CRYBG1: variants seen among roughly 807,000 people sequenced by gnomAD.
CRYBG1 encodes crystallin beta-gamma domain containing 1, also known as beta/gamma crystallin domain-containing protein 1.
Under a neutral mutation model 189.2 loss-of-function variants are expected in CRYBG1, and 139 were observed. That is an observed-to-expected ratio of 0.73 (90% CI 0.64 to 0.85). The LOEUF is 0.85. Among genes scored for constraint, CRYBG1 ranks in the 40% least tolerant of loss-of-function variants. CRYBG1 has a pLI of 0.00. For synonymous variants in CRYBG1, 1,023 were observed against 1,017.1 expected (o/e 1.01, Z -0.11); for missense variants, 2,611 against 2,675.8 (o/e 0.98, Z 0.53).
chr6:106,512,845 C>T lies in CRYBG1; in HGVS notation c.1728C>T (p.Ser576=), dbSNP rs1773325384. The change falls in exon 3 of 22, where the codon AGC becomes AGT. Residue 576 remains serine, a synonymous_variant. Coordinates refer to ENST00000633556, the MANE Select transcript of CRYBG1 (RefSeq NM_001371242.2). ...CCCGCGAGCTCCCGGTCAAGAGCAG[C>T]TCGCTGCTGCCGGAGATCAAGCCCG... ...AIPRELPVKS[S]SLLPEIKPEH... 1 of 1,582,468 alleles carries T rather than the reference C, an allele frequency of 6.3e-7. No homozygotes were observed. The highest frequency in any genetic ancestry group is 8.6e-7 in the Non-Finnish European group (1 of 1,164,518).
At chr6:106,400,034 G>C (rs1014036798) in intron 1 of CRYBG1, among the ~76,000 whole-genome samples, 5 of 151,592 alleles carry the variant, frequency 3.3e-5, no homozygotes, top group Non-Finnish European at 7.4e-5. Context: ...TACTCGGGAG[G>C]CTGAGGTGGG....
chr6:106,498,200 A>G (rs1772899133), intron 2 of CRYBG1, among the ~76,000 whole-genome samples: 1 of 152,244 alleles, frequency 6.6e-6, no homozygotes, highest in African/African-American at 2.4e-5. Context: ...TTAGAAACCA[A>G]AGAAATGCAA....
At chr6:106,489,921 T>C (rs1361099081) in intron 2 of CRYBG1, among the ~76,000 whole-genome samples, 2 of 152,186 alleles carry the variant, frequency 1.3e-5, no homozygotes, top group Non-Finnish European at 2.9e-5. Context: ...AAATGATGCA[T>C]TGAGTTTGTT....
chr6:106,533,431 C>T (rs114318890), intron 8 of CRYBG1, among the ~76,000 whole-genome samples: 3 of 152,252 alleles, frequency 2.0e-5, no homozygotes, highest in African/African-American at 4.8e-5. Flanking sequence ...GAATCATTGG[C>T]GAATTTTTAT....
At chr6:106,560,700 T>C in intron 18 of CRYBG1, 103 bp from the exon 19 acceptor site, 1 of 1,315,964 alleles carries the variant, frequency 7.6e-7, no homozygotes, top group Non-Finnish European at 1.0e-6. Context: ...ATGTTAAAAG[T>C]ATATAGTTCA....
chr6:106,508,723 T>C (rs1000343964), intron 2 of CRYBG1, among the ~76,000 whole-genome samples: 5 of 152,222 alleles, frequency 3.3e-5, no homozygotes, highest in African/African-American at 1.2e-4. Context: ...ACAAGCCATG[T>C]CCGGTGACTT....
At chr6:106,554,192 G>A (rs1284569503) in intron 16 of CRYBG1, among the ~76,000 whole-genome samples, 2 of 152,192 alleles carry the variant, frequency 1.3e-5, no homozygotes, top group Non-Finnish European at 2.9e-5. Context: ...TGCAAGAGGT[G>A]TTGAGGATTT....
chr6:106,521,001 A>C lies in CRYBG1; in HGVS notation c.3793A>C (p.Thr1265Pro), dbSNP rs369153076. The change falls in exon 4 of 22, where the codon ACT becomes CCT. Residue 1265 changes from threonine (T) to proline (P), a missense_variant. Thr to Pro is a conservative substitution (Grantham distance 38). This residue lies in a region of CRYBG1 where 1,622 missense variants were observed against 1,735.0 expected (regional missense o/e 0.93). Coordinates refer to ENST00000633556, the MANE Select transcript of CRYBG1 (RefSeq NM_001371242.2). ...IFSPSVTSVNTMTTAFSTSQN... is the reference protein window; with the variant it reads ...IFSPSVTSVNPMTTAFSTSQN... The stretch of plus-strand genomic sequence containing the variant: ...TTCTCCTTCTGTGACATCAGTCAAC[A>C]CTATGACCACGGCTTTCAGTACTTC... The C allele has an allele frequency of 1.9e-6, 3 of 1,614,106 alleles. No individual in the cohort carries two copies. Among genetic ancestry groups the C allele is most frequent in the Non-Finnish European group, 2.5e-6 (3 of 1,180,054 alleles).
Position 106,555,732 on chromosome 6 carries a change from A to G in CRYBG1, c.5586-36A>G, listed in dbSNP as rs755064426. 3 of 1,609,786 alleles carry G rather than the reference A, an allele frequency of 1.9e-6. No homozygotes were observed. The Admixed American group carries it at 5.0e-5, about 27-fold the overall frequency. ...TCTTGAATAGGAGTGCTCAAGTTGC[A>G]TATTCTGTGCATGTGTGTGGTTTTT... is the stretch of plus-strand genomic sequence containing the variant. On this transcript the variant is annotated intron_variant, in intron 16 of 21. Coordinates refer to ENST00000633556, the MANE Select transcript of CRYBG1 (RefSeq NM_001371242.2).
At chr6:106,442,576 A>G (rs1771584262) in intron 1 of CRYBG1, among the ~76,000 whole-genome samples, 1 of 152,250 alleles carries the variant, frequency 6.6e-6, no homozygotes, top group African/African-American at 2.4e-5. Flanking sequence ...CTTTTGAACC[A>G]AAGCTTTATA....
At chr6:106,364,015 A>G (rs969033700) in intron 1 of CRYBG1, among the ~76,000 whole-genome samples, 4 of 152,268 alleles carry the variant, frequency 2.6e-5, no homozygotes, top group East Asian at 1.9e-4. Flanking sequence ...CTCTAGGAAG[A>G]TCTTTTCCTA....
At chr6:106,479,917 A>G (rs1443468294) in intron 2 of CRYBG1, among the ~76,000 whole-genome samples, 2 of 152,096 alleles carry the variant, frequency 1.3e-5, no homozygotes, top group Non-Finnish European at 1.5e-5. Flanking sequence ...TTTAATTTAG[A>G]TGAAATCTAA....
chr6:106,369,415 C>G (rs943261556), intron 1 of CRYBG1, among the ~76,000 whole-genome samples: 1 of 152,138 alleles, frequency 6.6e-6, no homozygotes, highest in Non-Finnish European at 1.5e-5. Flanking sequence ...AGCTAGCAAC[C>G]CTAACTGAGT....
rs9384608 is a variant in CRYBG1 at position 106,403,055 on chromosome 6, G to A, written c.173+41974G>A. On this transcript the variant is annotated intron_variant, in intron 1 of 21. Transcript: ENST00000633556. The stretch of plus-strand genomic sequence containing the variant: ...TTGAGGAGGAATTTAAAAGGTTTTG[G>A]CTGGGTGCAGTGGCTCACACCTGTA... 8.1e-4 allele frequency among the ~76,000 whole-genome samples: 123 copies of A among 152,286 alleles called. No homozygotes were observed. In the East Asian group the frequency reaches 0.022, roughly 28 times the overall value.
At chr6:106,440,395 G>A (rs1771545987) in intron 1 of CRYBG1, among the ~76,000 whole-genome samples, 1 of 151,970 alleles carries the variant, frequency 6.6e-6, no homozygotes, top group Non-Finnish European at 1.5e-5. Flanking sequence ...CTCCCAAGTA[G>A]CTGGGACTGT....
Position 106,551,955 on chromosome 6 carries a change from T to G in CRYBG1, c.5416T>G (p.Ser1806Ala), listed in dbSNP as rs530116408. Residue 1806 changes from serine (S) to alanine (A), a missense_variant, in exon 14 of 22, where the codon TCT (serine) becomes GCT (alanine). Physicochemically the swap from Ser to Ala is moderately conservative, Grantham distance 99. Transcript: ENST00000633556. Reference sequence around the variant, plus strand: ...CTGGGGAGGCAAAAATTGTAAGATCTCTTCTGTTCAACCTATATGTTTGGT... The same window carrying G: ...CTGGGGAGGCAAAAATTGTAAGATCGCTTCTGTTCAACCTATATGTTTGGT... ...EDWGGKNCKI[S>A]SVQPICLDSF... 1 of 1,609,328 alleles carries G rather than the reference T, an allele frequency of 6.2e-7. No individual in the cohort carries two copies. Among genetic ancestry groups the G allele is most frequent in the African/African-American group, 1.3e-5 (1 of 74,882 alleles).
At chr6:106,435,550 G>A (rs188677201) in intron 1 of CRYBG1, among the ~76,000 whole-genome samples, 1 of 151,832 alleles carries the variant, frequency 6.6e-6, no homozygotes, top group African/African-American at 2.4e-5. Flanking sequence ...CATCATACAG[G>A]GTGAATTTCT....
chr6:106,387,257 G>T (rs1184352689), intron 1 of CRYBG1, among the ~76,000 whole-genome samples: 1 of 151,994 alleles, frequency 6.6e-6, no homozygotes, highest in African/African-American at 2.4e-5. Flanking sequence ...TAGTAAGACT[G>T]TCACTGGAAT....
At chr6:106,540,838 T>C (rs1303497267) in intron 9 of CRYBG1, among the ~76,000 whole-genome samples, 1 of 152,202 alleles carries the variant, frequency 6.6e-6, no homozygotes, top group Non-Finnish European at 1.5e-5. Flanking sequence ...AAAATCCAAC[T>C]TTCCCATTGC....
Sources: allele counts gnomAD v4.1 joint callset (sites outside exome capture counted in the v4.1 genomes callset), GRCh38; gene constraint gnomAD v4.1.1; regional missense constraint gnomAD v4.1.1; transcripts MANE v1.5; gene names NCBI Gene and HGNC (gene_info 2026-07-23, HGNC 2026-07-21).